The following DCAF8L1 variants were observed in gnomAD, a reference collection of about 807,000 sequenced individuals.
DCAF8L1 encodes DDB1 and CUL4 associated factor 8 like 1, also known as DDB1- and CUL4-associated factor 8-like protein 1.
For synonymous variants in DCAF8L1, 217 were observed against 186.8 expected, an observed-to-expected ratio of 1.16 and a Z score of -1.32; for missense variants, 434 against 481.6, an observed-to-expected ratio of 0.90 and a Z score of 0.92.
chrX:27,979,126 GTA>G lies in DCAF8L1; in HGVS notation c.*404_*405del. The G allele has an allele frequency of 3.5e-6, 1 of 287,233 alleles. No individual in the cohort carries two copies. Among genetic ancestry groups the G allele is most frequent in the East Asian group, 5.8e-5 (1 of 17,268 alleles). The allele number at this position is 287,233 out of a possible 1,213,427, so 23.7% of individuals were successfully genotyped here. On this transcript the variant is annotated 3_prime_UTR_variant, in exon 1 of 1. Transcript: ENST00000441525. ...CTCTTTTCCTTTTCTGAGACTGTGT[GTA>G]TGTGTGTGTCAGTATTCAAAGAACT...
Position 27,979,543 on chromosome X carries a change from T to C in DCAF8L1, c.1792A>G (p.Ile598Val). Residue 598 changes from isoleucine (I) to valine (V), a missense_variant, in exon 1 of 1, where the codon ATA (isoleucine) becomes GTA (valine). Physicochemically the swap from Ile to Val is conservative, Grantham distance 29 (BLOSUM62 3). Coordinates refer to ENST00000441525, the MANE Select transcript of DCAF8L1 (RefSeq NM_001017930.2). Reference protein sequence around the residue: ...EEEGQDRVQCIPS With the variant: ...EEEGQDRVQCVPS ...TGGATATGAGGCCTTCAGGATGGTA[T>C]GCACTGCACTCGATCTTGGCCCTCC... The C allele has an allele frequency of 8.3e-7, 1 of 1,202,503 alleles. No homozygotes were observed. The highest frequency in any genetic ancestry group is 2.2e-5 in the Admixed American group (1 of 45,618).
Position 27,980,272 on chromosome X carries a change from G to A in DCAF8L1, c.1063C>T (p.His355Tyr). ...ANIYQFAVGGHDQFVRIYDQR... is the reference protein window; with the variant it reads ...ANIYQFAVGGYDQFVRIYDQR... ...TCATAAATCCTTACAAACTGATCAT[G>A]TCCACCCACTGCAAATTGGTAAATA... Residue 355 changes from histidine to tyrosine, a missense_variant, in exon 1 of 1, where the codon CAT becomes TAT. His to Tyr is a moderately conservative substitution (Grantham distance 83). Transcript: ENST00000441525. 8.3e-7 allele frequency: 1 copy of A among 1,211,661 alleles called. No individual in the cohort carries two copies. Among genetic ancestry groups the A allele is most frequent in the Non-Finnish European group, 1.1e-6 (1 of 895,396 alleles).
Position 27,981,403 on chromosome X carries a change from G to T in DCAF8L1, c.-69C>A, listed in dbSNP as rs1034963493. On this transcript the variant is annotated 5_prime_UTR_variant, in exon 1 of 1. Coordinates refer to ENST00000441525, the MANE Select transcript of DCAF8L1 (RefSeq NM_001017930.2). ...AACCCCTAAAAGCTCAGGGAAGAGAGCACGCCTGCCCCGAGGACGGACGGT... is the reference window on the plus strand; with the variant it reads ...AACCCCTAAAAGCTCAGGGAAGAGATCACGCCTGCCCCGAGGACGGACGGT... 5 of 1,152,426 alleles carry T rather than the reference G, an allele frequency of 4.3e-6. No homozygotes were observed. The Admixed American group carries it at 1.0e-4, about 24-fold the overall frequency. The allele number at this position is 1,152,426 out of a possible 1,213,427, so 95.0% of individuals were successfully genotyped here.
rs1395037863 is a variant in DCAF8L1, at chrX:27,979,128, ATG to A, written c.*402_*403del. On this transcript the variant is annotated 3_prime_UTR_variant, in exon 1 of 1. Coordinates refer to ENST00000441525, the MANE Select transcript of DCAF8L1 (RefSeq NM_001017930.2). ...CTTTTCCTTTTCTGAGACTGTGTGT[ATG>A]TGTGTGTCAGTATTCAAAGAACTAT... The A allele has an allele frequency of 3.5e-6, 1 of 284,515 alleles. No individual in the cohort carries two copies. The highest frequency in any genetic ancestry group is 5.8e-5 in the East Asian group (1 of 17,125). The allele number at this position is 284,515 out of a possible 1,213,427, so 23.4% of individuals were successfully genotyped here.
rs1210613816 is a variant in DCAF8L1 at position 27,980,163 on chromosome X, G to A, written c.1172C>T (p.Thr391Ile). 1.7e-5 allele frequency: 21 copies of A among 1,211,791 alleles called. No individual in the cohort carries two copies. Among genetic ancestry groups the A allele is most frequent in the Non-Finnish European group, 2.3e-5 (21 of 895,547 alleles). Residue 391 changes from threonine (T) to isoleucine (I), a missense_variant, in exon 1 of 1, where the codon ACA (threonine) becomes ATA (isoleucine). By Grantham distance (89) the Thr-to-Ile change is moderately conservative (BLOSUM62 -1). Transcript: ENST00000441525. The part of the protein sequence containing the change: ...PHHLVYCDFP[T>I]NITCVVYSHD... ...GCTGTACACAACGCAGGTGATGTTTGTTGGGAAATCACAATAAACCAGATG... is the reference window on the plus strand; with the variant it reads ...GCTGTACACAACGCAGGTGATGTTTATTGGGAAATCACAATAAACCAGATG...
chrX:27,979,826 C>G lies in DCAF8L1; in HGVS notation c.1509G>C (p.Gln503His). Residue 503 changes from glutamine to histidine, a missense_variant, in exon 1 of 1, where the codon CAG becomes CAC. By Grantham distance (24) the Gln-to-His change is conservative. Transcript: ENST00000441525. ...CTGTGGGTGTCCAGATCCTGACATG[C>G]TGATCTAGGCCACTGGTCGCCAACA... is the stretch of plus-strand genomic sequence containing the variant. Reference protein sequence around the residue: ...LPVLATSGLDQHVRIWTPTAK... With the variant: ...LPVLATSGLDHHVRIWTPTAK... The G allele has an allele frequency of 8.3e-7, 1 of 1,210,917 alleles. No individual in the cohort carries two copies. Among genetic ancestry groups the G allele is most frequent in the Non-Finnish European group, 1.1e-6 (1 of 895,287 alleles).
chrX:27,981,174 G>A lies in DCAF8L1; in HGVS notation c.161C>T (p.Thr54Ile). ...TEPSTGDGGDTRDGGFLNDAS... is the reference protein window; with the variant it reads ...TEPSTGDGGDIRDGGFLNDAS... ...ATCGTTCAGGAAACCACCATCCCTG[G>A]TATCACCACCATCTCCGGTCGATGG... Residue 54 changes from threonine to isoleucine, a missense_variant, in exon 1 of 1, where the codon ACC becomes ATC. By Grantham distance (89) the Thr-to-Ile change is moderately conservative. Coordinates refer to ENST00000441525, the MANE Select transcript of DCAF8L1 (RefSeq NM_001017930.2). 8.3e-7 allele frequency: 1 copy of A among 1,211,483 alleles called. No individual in the cohort carries two copies. The highest frequency in any genetic ancestry group is 1.1e-6 in the Non-Finnish European group (1 of 895,490).
chrX:27,980,744 A>G lies in DCAF8L1; in HGVS notation c.591T>C (p.Gly197=). Residue 197 remains glycine (G), a synonymous_variant, in exon 1 of 1, where the codon GGT becomes GGC. Transcript: ENST00000441525. ...RLQYLLGSHA[G]SVSTIHFNQR... Reference sequence around the variant, plus strand: ...GGTTAAAGTGTATGGTACTGACAGAACCGGCATGGCTTCCAAGAAGATACT... The same window carrying G: ...GGTTAAAGTGTATGGTACTGACAGAGCCGGCATGGCTTCCAAGAAGATACT... 1.7e-6 allele frequency: 2 copies of G among 1,210,477 alleles called. No homozygotes were observed. The highest frequency in any genetic ancestry group is 2.2e-6 in the Non-Finnish European group (2 of 894,734).
chrX:27,980,713 C>A lies in DCAF8L1; in HGVS notation c.622G>T (p.Gly208Cys), dbSNP rs775032071. 8.3e-7 allele frequency: 1 copy of A among 1,209,713 alleles called. No individual in the cohort carries two copies. The highest frequency in any genetic ancestry group is 3.0e-5 in the East Asian group (1 of 33,679). The change falls in exon 1 of 1, where the codon GGC becomes TGC. Residue 208 changes from glycine (G) to cysteine (C), a missense_variant. By Grantham distance (159) the Gly-to-Cys change is radical. Coordinates refer to ENST00000441525, the MANE Select transcript of DCAF8L1 (RefSeq NM_001017930.2). ...TCACCGCTACTGGCCAGTCGGGTGC[C>A]ACGCTGGTTAAAGTGTATGGTACTG... ...SVSTIHFNQR[G>C]TRLASSGDDL...
Position 27,981,436 on chromosome X carries a change from G to A in DCAF8L1, c.-102C>T. The A allele has an allele frequency of 2.2e-5, 24 of 1,066,855 alleles. No homozygotes were observed. Among genetic ancestry groups the A allele is most frequent in the Non-Finnish European group, 3.0e-5 (24 of 798,241 alleles). The allele number at this position is 1,066,855 out of a possible 1,213,427, so 87.9% of individuals were successfully genotyped here. A position where few individuals can be genotyped will look rare whatever the true frequency, so the allele number is the denominator to read the frequency against. On this transcript the variant is annotated 5_prime_UTR_variant, in exon 1 of 1. Coordinates refer to ENST00000441525, the MANE Select transcript of DCAF8L1 (RefSeq NM_001017930.2). Reference sequence around the variant, plus strand: ...GCCCCGAGGACGGACGGTCGGAGAAGGCAGTAGGTAAGCAGCAAAGAGACA... The same window carrying A: ...GCCCCGAGGACGGACGGTCGGAGAAAGCAGTAGGTAAGCAGCAAAGAGACA...
rs1347319938 is a variant in DCAF8L1 at position 27,980,139 on chromosome X, C to T, written c.1196G>A (p.Ser399Asn). The T allele has an allele frequency of 8.3e-7, 1 of 1,209,853 alleles. No homozygotes were observed. Among genetic ancestry groups the T allele is most frequent in the Non-Finnish European group, 1.1e-6 (1 of 895,272 alleles). ...FPTNITCVVY[S>N]HDGTELLASY... ...GGCCAGGAGCTCTGTGCCATCGTGG[C>T]TGTACACAACGCAGGTGATGTTTGT... Residue 399 changes from serine to asparagine, a missense_variant, in exon 1 of 1, where the codon AGC (serine) becomes AAC (asparagine). By Grantham distance (46) the Ser-to-Asn change is conservative. Transcript: ENST00000441525.
At position 27,979,846 on chromosome X, in the gene DCAF8L1, C is replaced by A; in HGVS notation, c.1489G>T (p.Ala497Ser). 3.3e-6 allele frequency: 4 copies of A among 1,210,586 alleles called. No homozygotes were observed. Among genetic ancestry groups the A allele is most frequent in the Non-Finnish European group, 4.5e-6 (4 of 895,188 alleles). ...ACATGCTGATCTAGGCCACTGGTCG[C>A]CAACACAGGTAGGTAAGGGTGGGGT... is the stretch of plus-strand genomic sequence containing the variant. ...LEPHPYLPVL[A>S]TSGLDQHVRI... Residue 497 changes from alanine (A) to serine (S), a missense_variant, in exon 1 of 1, where the codon GCG becomes TCG. Transcript: ENST00000441525.
rs759385649 is a variant in DCAF8L1, at chrX:27,979,698, C to T, written c.1637G>A (p.Arg546His). 16 of 1,209,492 alleles carry T rather than the reference C, an allele frequency of 1.3e-5. No individual in the cohort carries two copies. The highest frequency in any genetic ancestry group is 1.8e-5 in the Non-Finnish European group (16 of 895,084). Residue 546 changes from arginine (R) to histidine (H), a missense_variant, in exon 1 of 1, where the codon CGC (arginine) becomes CAC (histidine). Coordinates refer to ENST00000441525, the MANE Select transcript of DCAF8L1 (RefSeq NM_001017930.2). Reference sequence around the variant, plus strand: ...GTGACGCACGAAGAACCGAAGCATGCGGTTGTCAAACGAGTCCGTATAGTT... The same window carrying T: ...GTGACGCACGAAGAACCGAAGCATGTGGTTGTCAAACGAGTCCGTATAGTT... ...NLNYTDSFDN[R>H]MLRFFVRHLL...
chrX:27,980,134 C>G lies in DCAF8L1; in HGVS notation c.1201G>C (p.Asp401His), dbSNP rs1310904525. 1.7e-6 allele frequency: 2 copies of G among 1,211,662 alleles called. No individual in the cohort carries two copies. Among genetic ancestry groups the G allele is most frequent in the Non-Finnish European group, 2.2e-6 (2 of 895,564 alleles). ...TAGCTGGCCAGGAGCTCTGTGCCAT[C>G]GTGGCTGTACACAACGCAGGTGATG... ...TNITCVVYSH[D>H]GTELLASYND... is the part of the protein sequence containing the mutation. The change falls in exon 1 of 1, where the codon GAT (aspartate) becomes CAT (histidine). Residue 401 changes from aspartate to histidine, a missense_variant. Asp to His is a moderately conservative substitution (Grantham distance 81). Transcript: ENST00000441525.
In DCAF8L1 at chrX:27,980,370, G is replaced by A; in HGVS notation, c.965C>T (p.Ala322Val). 3.3e-6 allele frequency: 4 copies of A among 1,211,948 alleles called. No individual in the cohort carries two copies. The highest frequency in any genetic ancestry group is 4.5e-6 in the Non-Finnish European group (4 of 895,577). Reference sequence around the variant, plus strand: ...TTCTCTTGTTACCACAACTTTTGAAGCTGGCCGGTCTTGCCTGAGGTCAAT... The same window carrying A: ...TTCTCTTGTTACCACAACTTTTGAAACTGGCCGGTCTTGCCTGAGGTCAAT... ...FTIDLRQDRP[A>V]SKVVVTREND... The change falls in exon 1 of 1, where the codon GCT becomes GTT. Residue 322 changes from alanine (A) to valine (V), a missense_variant. Ala to Val is a moderately conservative substitution (Grantham distance 64). Transcript: ENST00000441525.
Position 27,980,982 on chromosome X carries a change from C to T in DCAF8L1, c.353G>A (p.Arg118Gln), listed in dbSNP as rs755353352. 7 of 1,211,726 alleles carry T rather than the reference C, an allele frequency of 5.8e-6. No individual in the cohort carries two copies. The South Asian group carries it at 7.0e-5, about 12-fold the overall frequency. Residue 118 changes from arginine to glutamine, a missense_variant, in exon 1 of 1, where the codon CGG becomes CAG. By Grantham distance (43) the Arg-to-Gln change is conservative (BLOSUM62 1). Coordinates refer to ENST00000441525, the MANE Select transcript of DCAF8L1 (RefSeq NM_001017930.2). Reference sequence around the variant, plus strand: ...GGTGCCACCGCATCGTGGACACATCCGAGGCTGTTCTTCCTCCTCCCCTTC... The same window carrying T: ...GGTGCCACCGCATCGTGGACACATCTGAGGCTGTTCTTCCTCCTCCCCTTC... ...EEEGEEEEQP[R>Q]MCPRCGGTNH... is the part of the protein sequence containing the mutation.
Position 27,981,119 on chromosome X carries a change from T to G in DCAF8L1, c.216A>C (p.Ser72=). 1 of 1,212,060 alleles carries G rather than the reference T, an allele frequency of 8.3e-7. No homozygotes were observed. Residue 72 remains serine (S), a synonymous_variant, in exon 1 of 1, where the codon TCA becomes TCC. Transcript: ENST00000441525. ...GTTCGACGTCTTCACTTGAACTTTC[T>G]GAGTCTGTGTTTTGATTTTCTGTGC... ...DASTENQNTD[S]ESSSEDVELE...
At position 27,981,221 on chromosome X, in the gene DCAF8L1, G is replaced by A; in HGVS notation, c.114C>T (p.Asp38=). Residue 38 remains aspartate, a synonymous_variant, in exon 1 of 1, where the codon GAC becomes GAT. Coordinates refer to ENST00000441525, the MANE Select transcript of DCAF8L1 (RefSeq NM_001017930.2). ...ATGGCTCTGTGGCTGCCATTTCAAT[G>A]TCTGAGGAGGCCGCCGTCACCGCTG... The part of the protein sequence containing the change: ...GVAAVTAASS[D]IEMAATEPST... 6.6e-6 allele frequency: 8 copies of A among 1,211,321 alleles called. No individual in the cohort carries two copies. The highest frequency in any genetic ancestry group is 8.9e-6 in the Non-Finnish European group (8 of 895,471).
rs1163512525 is a variant in DCAF8L1, at chrX:27,980,932, C to T, written c.403G>A (p.Glu135Lys). The T allele has an allele frequency of 1.7e-6, 2 of 1,210,172 alleles. No homozygotes were observed. The highest frequency in any genetic ancestry group is 2.2e-6 in the Non-Finnish European group (2 of 895,253). Residue 135 changes from glutamate (E) to lysine (K), a missense_variant, in exon 1 of 1, where the codon GAG (glutamate) becomes AAG (lysine). By Grantham distance (56) the Glu-to-Lys change is moderately conservative (BLOSUM62 1). Coordinates refer to ENST00000441525, the MANE Select transcript of DCAF8L1 (RefSeq NM_001017930.2). ...ATCCACTCCTCCAACGCCTGATCCT[C>T]GTCTAACAAACACTGATCATGGTTG... Reference protein sequence around the residue: ...GTNHDQCLLDEDQALEEWISS... With the variant: ...GTNHDQCLLDKDQALEEWISS...
Sources: gnomAD v4.1 joint callset for allele counts on GRCh38, gnomAD v4.1.1 for gene constraint, MANE v1.5 for transcripts, NCBI Gene and HGNC (gene_info 2026-07-23, HGNC 2026-07-21) for gene names.